The following VSIG1 variants were observed in gnomAD, a reference collection of about 807,000 sequenced individuals.
VSIG1 encodes the protein V-set and immunoglobulin domain containing 1.
In VSIG1, 11 loss-of-function variants were observed where a neutral mutation model predicts 20.1. The ratio of observed to expected loss-of-function variants is 0.55; its 90% CI spans 0.34 to 0.91. VSIG1 has a LOEUF of 0.91. VSIG1 is among the 40% of genes least tolerant of loss of function. The pLI, the probability that VSIG1 is intolerant of heterozygous loss-of-function variation, is 0.02. For missense variants in VSIG1, 283 were observed against 298.8 expected (o/e 0.95, Z 0.39); for synonymous variants, 126 against 116.7 (o/e 1.08, Z -0.52).
Position 108,047,937 on chromosome X carries a change from CATATATATATATATATACACACACAT to C in VSIG1, c.49+2776_49+2801del, listed in dbSNP as rs2030665029. ...ATATATACACATATATATATATACA[CATATATATATATATATACACACACAT>C]ATATATATATATATATATATATATA... On this transcript the variant is annotated intron_variant, in intron 1 of 6. Coordinates refer to ENST00000217957, the MANE Select transcript of VSIG1 (RefSeq NM_182607.5). 1.8e-3 allele frequency among the ~76,000 whole-genome samples: 61 copies of C among 33,585 alleles called. 10 individuals carry two copies. The highest frequency in any genetic ancestry group is 8.6e-3 in the African/African-American group (48 of 5,613). The allele number at this position is 33,585 out of a possible 115,157, so 29.2% of individuals were successfully genotyped here.
rs376545734 is a variant in VSIG1, at chrX:108,072,755, C to T, written c.491C>T (p.Ala164Val). The T allele has an allele frequency of 1.7e-5, 21 of 1,207,950 alleles. No homozygotes were observed. The highest frequency in any genetic ancestry group is 8.8e-5 in the South Asian group (5 of 56,726). Residue 164 changes from alanine to valine, a missense_variant, in exon 4 of 7, where the codon GCG becomes GTG. Transcript: ENST00000217957. ...ACTATTTCCCTTTCCTGTCTCTCTG[C>T]GCTTGGAACACCTTCCCCTGTGTAC... is the stretch of plus-strand genomic sequence containing the variant. ...GHTISLSCLS[A>V]LGTPSPVYYW... is the part of the protein sequence containing the mutation.
chrX:108,062,806 A>G (rs2031054372), intron 2 of VSIG1, among the ~76,000 whole-genome samples: 1 of 111,905 alleles, frequency 8.9e-6, no homozygotes, highest in Admixed American at 9.5e-5. Context: ...TCAGCAGTAC[A>G]AGAAAGCAAG....
chrX:108,024,604 A>G, the VSIG1 span, among the ~76,000 whole-genome samples: 5 of 109,596 alleles, frequency 4.6e-5, no homozygotes, highest in Non-Finnish European at 9.5e-5. Flanking sequence ...TTTCCCTCTG[A>G]GTACTGTTTC....
At chrX:108,022,159 A>G in the VSIG1 span, among the ~76,000 whole-genome samples, 1 of 111,960 alleles carries the variant, frequency 8.9e-6, no homozygotes, top group African/African-American at 3.2e-5. Flanking sequence ...CCATCTCAAT[A>G]TTAAGTCTTC....
At chrX:108,047,792 A>C (rs6523996) in intron 1 of VSIG1, among the ~76,000 whole-genome samples, 7,181 of 58,521 alleles carry the variant, frequency 0.12, 505 homozygotes, top group African/African-American at 0.15. Context: ...CTCTCTCTCT[A>C]TATATATATA....
intron 5 of VSIG1, among the ~76,000 whole-genome samples, chrX:108,074,236 T>TCCTTTTATTTCTCCTGAAGTTTGCTC (rs2031310351): frequency 1.8e-5 from 2 of 112,343 alleles, no homozygotes; most frequent in Non-Finnish European, 3.8e-5. Context: ...TGAACTTTCT[T>TCCTTTTATTTCTCCTGAAGTTTGCTC]CCTTTTATTT....
At chrX:108,063,719 C>T (rs1265899661) in intron 2 of VSIG1, among the ~76,000 whole-genome samples, 1 of 111,552 alleles carries the variant, frequency 9.0e-6, no homozygotes, top group Non-Finnish European at 1.9e-5. Flanking sequence ...GCAATTATGA[C>T]TCCACCCATC....
chrX:108,064,876 G>T, intron 2 of VSIG1: 1 of 387,955 alleles, frequency 2.6e-6, no homozygotes, highest in Non-Finnish European at 3.3e-6. Context: ...TAGCGTGGGT[G>T]CCAACTCAAA....
chrX:108,060,665 CTT>C (rs1213713253), intron 2 of VSIG1, among the ~76,000 whole-genome samples: 1 of 111,706 alleles, frequency 9.0e-6, no homozygotes, highest in Non-Finnish European at 1.9e-5. Context: ...TGCTCTGCCA[CTT>C]ATTTATTGAC....
chrX:108,043,166 C>T (rs998092350), upstream of VSIG1, among the ~76,000 whole-genome samples: 4 of 111,468 alleles, frequency 3.6e-5, no homozygotes, highest in South Asian at 7.8e-4. Flanking sequence ...CAAGTCATAT[C>T]TTGGGAAATG....
At chrX:108,039,588 G>C in the VSIG1 span, among the ~76,000 whole-genome samples, 1 of 111,619 alleles carries the variant, frequency 9.0e-6, no homozygotes, top group African/African-American at 3.3e-5. Context: ...CATATTAAAA[G>C]AATCTTTTTG....
chrX:108,070,907 G>C (rs1289554281), intron 3 of VSIG1, among the ~76,000 whole-genome samples: 1 of 112,212 alleles, frequency 8.9e-6, no homozygotes, highest in South Asian at 3.7e-4. Context: ...AGTCTGGGAA[G>C]GCTGAACTGA....
rs2031391992 is a variant in VSIG1, at chrX:108,078,397, C to G, written c.*1016C>G. 1 of 111,800 alleles carries G rather than the reference C, an allele frequency of 8.9e-6. No homozygotes were observed. The highest frequency in any genetic ancestry group is 9.5e-5 in the Admixed American group (1 of 10,579). The allele number at this position is 111,800 out of a possible 1,213,427, so 9.2% of individuals were successfully genotyped here. A position where few individuals can be genotyped will look rare whatever the true frequency, so the allele number is the denominator to read the frequency against. ...CTGAGGTCAGGAGTTCGAGACCAGC[C>G]TGGCCAACATGGCGAAACCCCTTCT... On this transcript the variant is annotated 3_prime_UTR_variant, in exon 7 of 7. Transcript: ENST00000217957.
chrX:108,047,098 A>G (rs1415390773), intron 1 of VSIG1, among the ~76,000 whole-genome samples: 1 of 111,492 alleles, frequency 9.0e-6, no homozygotes, highest in African/African-American at 3.3e-5. Context: ...GTTTCCATCA[A>G]TGTGCAATTT....
intron 1 of VSIG1, among the ~76,000 whole-genome samples, chrX:108,047,965 T>TATATATATACAC (rs2030683961): frequency 5.3e-5 from 1 of 18,702 alleles, no homozygotes; most frequent in Non-Finnish European, 1.0e-4. Flanking sequence ...CACACACATA[T>TATATATATACAC]ATATATATAT....
At chrX:108,048,673 A>G (rs1047289051) in intron 1 of VSIG1, among the ~76,000 whole-genome samples, 1 of 112,385 alleles carries the variant, frequency 8.9e-6, no homozygotes, top group African/African-American at 3.2e-5. Context: ...TTTCCCTGAC[A>G]CTCAGAGAAT....
rs185100688 is a variant in VSIG1, at chrX:108,048,986, G to T, written c.49+3807G>T. The stretch of plus-strand genomic sequence containing the variant: ...CTCATCTGGAAATATATAACTTTTA[G>T]CTCTGAAGCATATCATCACTATATC... On this transcript the variant is annotated intron_variant, in intron 1 of 6. Coordinates refer to ENST00000217957, the MANE Select transcript of VSIG1 (RefSeq NM_182607.5). Among the ~76,000 whole-genome samples the T allele has an allele frequency of 4.3e-3, 481 of 112,148 alleles. 11 individuals carry two copies. Among genetic ancestry groups the T allele is most frequent in the Admixed American group, 0.042 (440 of 10,581 alleles).
intron 3 of VSIG1, among the ~76,000 whole-genome samples, chrX:108,069,904 C>T (rs1251108559): frequency 1.8e-5 from 2 of 111,578 alleles, no homozygotes; most frequent in Non-Finnish European, 3.8e-5. Context: ...AGGAAAGTGA[C>T]TTTTGTGCTG....
chrX:108,038,044 C>T, the VSIG1 span, among the ~76,000 whole-genome samples: 1 of 111,665 alleles, frequency 9.0e-6, no homozygotes, highest in Non-Finnish European at 1.9e-5. Context: ...AAGTGTCACA[C>T]AGGCAGAGTC....
Sources: gnomAD v4.1 joint callset for allele counts (sites outside exome capture counted in the v4.1 genomes callset) on GRCh38, gnomAD v4.1.1 for gene constraint, MANE v1.5 for transcripts, NCBI Gene and HGNC (gene_info 2026-07-23, HGNC 2026-07-21) for gene names.